Variants in ROBO1 observed in about 807,000 individuals in gnomAD.
ROBO1 encodes the protein roundabout guidance receptor 1, also known as roundabout homolog 1.
ROBO1 carries 149 observed loss-of-function variants against 195.9 expected under a neutral mutation model. The ratio of observed to expected loss-of-function variants is 0.76; its 90% CI spans 0.67 to 0.87. The LOEUF (loss-of-function observed/expected upper bound fraction) is 0.87, where lower values mean the gene tolerates loss of function less well. ROBO1 is among the 40% of genes least tolerant of loss of function. ROBO1 has a pLI of 0.00. For missense variants in ROBO1, 1,933 were observed against 2,068.3 expected, an observed-to-expected ratio of 0.93 and a Z score of 1.27; for synonymous variants, 816 against 733.2, an observed-to-expected ratio of 1.11 and a Z score of -1.82.
At chr3:79,084,524 G>A (rs2079333175) in intron 3 of ROBO1, among the ~76,000 whole-genome samples, 1 of 151,986 alleles carries the variant, frequency 6.6e-6, no homozygotes, top group African/African-American at 2.4e-5. Context: ...AAAACAGATC[G>A]GATTGTTGTG....
At chr3:79,568,248 G>A (rs1943153432) in intron 2 of ROBO1, among the ~76,000 whole-genome samples, 1 of 152,028 alleles carries the variant, frequency 6.6e-6, no homozygotes, top group Non-Finnish European at 1.5e-5. Flanking sequence ...GATTTTGTAG[G>A]GAAAATTGCT....
At chr3:78,773,907 T>C (rs932716761) in intron 4 of ROBO1, among the ~76,000 whole-genome samples, 3 of 152,244 alleles carry the variant, frequency 2.0e-5, no homozygotes, top group Non-Finnish European at 4.4e-5. Context: ...AGTGCCAATG[T>C]CTTGTTTATC....
At chr3:79,315,964 C>T (rs1347475563) in intron 2 of ROBO1, among the ~76,000 whole-genome samples, 1 of 152,250 alleles carries the variant, frequency 6.6e-6, no homozygotes, top group Non-Finnish European at 1.5e-5. Context: ...TGGAGAAAAC[C>T]AGAGTCAAGT....
intron 2 of ROBO1, among the ~76,000 whole-genome samples, chr3:79,524,406 A>G (rs1196839404): frequency 1.3e-5 from 2 of 152,094 alleles, no homozygotes; most frequent in African/African-American, 4.8e-5. Context: ...ATACCTAGAA[A>G]GAGTTAGTGA....
chr3:79,174,024 A>G (rs907728375), intron 2 of ROBO1, among the ~76,000 whole-genome samples: 2 of 152,104 alleles, frequency 1.3e-5, no homozygotes, highest in African/African-American at 4.8e-5. Context: ...CTGTCAAAAC[A>G]GACCACTTGG....
At chr3:79,380,362 A>T (rs1008237346) in intron 2 of ROBO1, among the ~76,000 whole-genome samples, 5 of 152,064 alleles carry the variant, frequency 3.3e-5, no homozygotes, top group African/African-American at 9.7e-5. Flanking sequence ...CAATTTGCAA[A>T]TGTATAAAAT....
chr3:79,674,659 A>G (rs1430158332), intron 1 of ROBO1, among the ~76,000 whole-genome samples: 1 of 151,954 alleles, frequency 6.6e-6, no homozygotes, highest in East Asian at 1.9e-4. Context: ...CTTTAGGGTC[A>G]TTCTGTCTTT....
intron 4 of ROBO1, among the ~76,000 whole-genome samples, chr3:78,782,805 GT>G (rs1369200012): frequency 7.2e-5 from 11 of 152,052 alleles, no homozygotes; most frequent in African/African-American, 2.4e-4. Context: ...ATACATGTTG[GT>G]TTGTCTTCAT....
intron 8 of ROBO1, among the ~76,000 whole-genome samples, chr3:78,690,024 A>G (rs1340396461): frequency 6.8e-6 from 1 of 148,102 alleles, no homozygotes; most frequent in African/African-American, 2.4e-5. Flanking sequence ...AAATATATAA[A>G]GTTATAGATT....
At chr3:78,748,875 A>T (rs2082722624) in intron 4 of ROBO1, among the ~76,000 whole-genome samples, 1 of 152,184 alleles carries the variant, frequency 6.6e-6, no homozygotes, top group Admixed American at 6.5e-5. Context: ...AAGCAAAATA[A>T]ATCTGATCTC....
intron 3 of ROBO1, among the ~76,000 whole-genome samples, chr3:78,989,093 G>A (rs1453293334): frequency 6.6e-6 from 1 of 152,100 alleles, no homozygotes; most frequent in Non-Finnish European, 1.5e-5. Flanking sequence ...CTATACCACT[G>A]TAAAGTAAGT....
intron 2 of ROBO1, among the ~76,000 whole-genome samples, chr3:79,268,258 C>A (rs2030177129): frequency 6.6e-6 from 1 of 151,646 alleles, no homozygotes; most frequent in Admixed American, 6.6e-5. Context: ...GATTCAGACA[C>A]ATCAAAATTG....
At chr3:78,724,415 C>T (rs1189500013) in intron 5 of ROBO1, among the ~76,000 whole-genome samples, 3 of 151,412 alleles carry the variant, frequency 2.0e-5, no homozygotes, top group Non-Finnish European at 2.9e-5. Flanking sequence ...GTGGCTCACA[C>T]CTGTAATCCC....
chr3:78,895,184 C>T (rs758053614), intron 4 of ROBO1, among the ~76,000 whole-genome samples: 9 of 152,116 alleles, frequency 5.9e-5, no homozygotes, highest in Non-Finnish European at 1.2e-4. Flanking sequence ...TTCCCTTCAG[C>T]GGTCAGAAAG....
At position 78,657,225 on chromosome 3, in the gene ROBO1, T is replaced by C; in HGVS notation, c.2487A>G (p.Thr829=). 1 of 1,613,710 alleles carries C rather than the reference T, an allele frequency of 6.2e-7. No homozygotes were observed. The highest frequency in any genetic ancestry group is 8.5e-7 in the Non-Finnish European group (1 of 1,179,772). Residue 829 remains threonine, a synonymous_variant, in exon 18 of 31, where the codon ACA becomes ACG. Transcript: ENST00000464233. Reference sequence around the variant, plus strand: ...CCACGGAAAAGGTGGAACCATCCACTGTTTTGTTGATGTGGTATCGAGTTT... The same window carrying C: ...CCACGGAAAAGGTGGAACCATCCACCGTTTTGTTGATGTGGTATCGAGTTT... ...GNETRYHINK[T]VDGSTFSVVI...
Position 78,651,821 on chromosome 3 carries a change from C to T in ROBO1, c.2723G>A (p.Trp908Ter). 1 of 1,613,746 alleles carries T rather than the reference C, an allele frequency of 6.2e-7. No individual in the cohort carries two copies. The highest frequency in any genetic ancestry group is 8.5e-7 in the Non-Finnish European group (1 of 1,179,740). Residue 908 changes from tryptophan (W) to a stop codon, truncating the protein, a stop_gained, in exon 19 of 31, where the codon TGG becomes TAG. Coordinates refer to ENST00000464233, the MANE Select transcript of ROBO1 (RefSeq NM_002941.4). LOFTEE classifies it high-confidence loss of function. The stretch of plus-strand genomic sequence containing the variant: ...GATGCTGAAGACCATGAGGATGATC[C>T]AACAGGCTGCTCCAATACCTGCTAT... ...AFIAGIGAAC[W>*]IILMVFSIWL...
intron 2 of ROBO1, among the ~76,000 whole-genome samples, chr3:79,182,573 G>A (rs961551287): frequency 1.7e-4 from 26 of 151,800 alleles, no homozygotes; most frequent in Non-Finnish European, 3.4e-4. Context: ...GTGTGTGTGC[G>A]TGCGTGCATG....
At chr3:79,180,255 T>C (rs546494970) in intron 2 of ROBO1, among the ~76,000 whole-genome samples, 43 of 152,356 alleles carry the variant, frequency 2.8e-4, no homozygotes, top group Non-Finnish European at 5.0e-4. Context: ...TCTTTCTCAT[T>C]TATTAATTTA....
chr3:79,289,867 T>G (rs977607090), intron 2 of ROBO1, among the ~76,000 whole-genome samples: 1 of 152,036 alleles, frequency 6.6e-6, no homozygotes, highest in African/African-American at 2.4e-5. Context: ...CTATGTCACA[T>G]AGGCTGAGAT....
Sources: gnomAD v4.1 joint callset for allele counts (sites outside exome capture counted in the v4.1 genomes callset) on GRCh38, gnomAD v4.1.1 for gene constraint, MANE v1.5 for transcripts, NCBI Gene and HGNC (gene_info 2026-07-23, HGNC 2026-07-21) for gene names.